Variants in MTUS2 observed in about 807,000 individuals in gnomAD.
MTUS2 encodes microtubule associated scaffold protein 2, also known as microtubule-associated tumor suppressor candidate 2.
In MTUS2, 40 loss-of-function variants were observed where a neutral mutation model predicts 114.1. The observed-to-expected ratio is 0.35, with a 90% CI of 0.27 to 0.46. The LOEUF (loss-of-function observed/expected upper bound fraction) is 0.46, where lower values mean the gene tolerates loss of function less well. Among genes scored for constraint, MTUS2 ranks in the 20% least tolerant of loss-of-function variants. MTUS2 has a pLI of 1.00. For synonymous variants in MTUS2, 688 were observed against 672.0 expected (o/e 1.02, Z -0.37); for missense variants, 1,679 against 1,705.4 (o/e 0.98, Z 0.27).
chr13:29,024,138 C>T (rs866216740), intron 2 of MTUS2, among the ~76,000 whole-genome samples: 7 of 152,234 alleles, frequency 4.6e-5, no homozygotes, highest in South Asian at 2.1e-4. Flanking sequence ...TTTCTACATT[C>T]GTTGATATTC....
At chr13:29,090,813 A>G (rs1051353922) in intron 4 of MTUS2, among the ~76,000 whole-genome samples, 6 of 152,206 alleles carry the variant, frequency 3.9e-5, no homozygotes, top group African/African-American at 1.4e-4. Flanking sequence ...ATGGGCACCT[A>G]TGGCTGTGCT....
rs1000803347 is a variant in MTUS2 at position 29,469,684 on chromosome 13, A to G, written c.3185-10466A>G. 4.6e-5 allele frequency among the ~76,000 whole-genome samples: 7 copies of G among 151,350 alleles called. 1 individual carries two copies. The highest frequency in any genetic ancestry group is 4.6e-4 in the Admixed American group (7 of 15,238). ...AGGCTGGGTGCAGTGGCTCACACCC[A>G]TAATCCCAGAAATTTGGAAGGCCAA... On this transcript the variant is annotated intron_variant, in intron 9 of 15. Coordinates refer to ENST00000612955, the MANE Select transcript of MTUS2 (RefSeq NM_001033602.4).
At chr13:29,408,492 A>G (rs1483371190) in intron 8 of MTUS2, among the ~76,000 whole-genome samples, 1 of 151,950 alleles carries the variant, frequency 6.6e-6, no homozygotes, top group Non-Finnish European at 1.5e-5. Flanking sequence ...AATGTTTTTT[A>G]TTTGTAGTAG....
intron 5 of MTUS2, among the ~76,000 whole-genome samples, chr13:29,128,733 ATGT>A (rs1368214657): frequency 6.6e-6 from 1 of 152,136 alleles, no homozygotes; most frequent in African/African-American, 2.4e-5. Flanking sequence ...TGTGTCACTC[ATGT>A]TGTTAATTCA....
At chr13:29,117,062 C>T (rs1891118877) in intron 5 of MTUS2, among the ~76,000 whole-genome samples, 1 of 152,138 alleles carries the variant, frequency 6.6e-6, no homozygotes. Context: ...TAACTCAGGC[C>T]CTTCTCCTTC....
intron 2 of MTUS2, 103 bp downstream of exon 2, chr13:28,839,953 T>TCAA (rs1566169385): frequency 1.3e-5 from 2 of 150,222 alleles, no homozygotes; most frequent in Non-Finnish European, 3.0e-5. Flanking sequence ...GGTAAATAGC[T>TCAA]GGTGGTAGTT....
chr13:29,427,198 C>T (rs1876606987), intron 8 of MTUS2, among the ~76,000 whole-genome samples: 1 of 152,114 alleles, frequency 6.6e-6, no homozygotes, highest in African/African-American at 2.4e-5. Flanking sequence ...ACATTCACTC[C>T]CTCCTGTTTT....
chr13:29,333,531 A>G (rs901135654), intron 7 of MTUS2, among the ~76,000 whole-genome samples: 2 of 152,100 alleles, frequency 1.3e-5, no homozygotes, highest in African/African-American at 4.8e-5. Flanking sequence ...TTCTAATTTG[A>G]TTGCACTGTG....
At chr13:29,389,399 ATATGTATACACGTGTGTGTG>A (rs1306792903) in intron 8 of MTUS2, among the ~76,000 whole-genome samples, 751 of 67,704 alleles carry the variant, frequency 0.011, 139 homozygotes, top group African/African-American at 0.043. Flanking sequence ...GTGTGTGTAT[ATATGTATACACGTGTGTGTG>A]TATGTATACA....
chr13:29,123,713 AACACACACACACACACGCAT>A (rs1891403765), intron 5 of MTUS2, among the ~76,000 whole-genome samples: 1 of 151,280 alleles, frequency 6.6e-6, no homozygotes, highest in Admixed American at 6.6e-5. Flanking sequence ...TCTCAAAACA[AACACACACACACACACGCAT>A]ACACACACAC....
chr13:29,168,164 A>G (rs927296118), intron 5 of MTUS2, among the ~76,000 whole-genome samples: 2 of 152,198 alleles, frequency 1.3e-5, no homozygotes, highest in African/African-American at 2.4e-5. Context: ...AATGTTTTCT[A>G]TGTTACTCAG....
At chr13:29,051,958 C>A (rs1255665047) in intron 4 of MTUS2, among the ~76,000 whole-genome samples, 1 of 152,124 alleles carries the variant, frequency 6.6e-6, no homozygotes, top group Non-Finnish European at 1.5e-5. Context: ...TTCTGAAAAC[C>A]ACTTAACAAT....
At chr13:28,855,758 A>T (rs1593249246) in intron 2 of MTUS2, among the ~76,000 whole-genome samples, 1 of 152,200 alleles carries the variant, frequency 6.6e-6, no homozygotes, top group East Asian at 1.9e-4. Flanking sequence ...TCTTTGTAAT[A>T]GAATGATTTA....
chr13:29,389,321 ATATGTGTGTATATATGTATGCACG>A lies in MTUS2; in HGVS notation c.3117+29850_3117+29873del, dbSNP rs1566172273. Reference sequence around the variant, plus strand: ...TGTATATGTGTATATATGTATACACATATGTGTGTATATATGTATGCACGTGTGTGTATATATGTATGCACGTGT... The same window carrying A: ...TGTATATGTGTATATATGTATACACATGTGTGTATATATGTATGCACGTGT... On this transcript the variant is annotated intron_variant, in intron 8 of 15. Coordinates refer to ENST00000612955, the MANE Select transcript of MTUS2 (RefSeq NM_001033602.4). Among the ~76,000 whole-genome samples, 27 of 54,824 alleles carry A rather than the reference ATATGTGTGTATATATGTATGCACG, an allele frequency of 4.9e-4. 2 individuals are homozygous for A. The highest frequency in any genetic ancestry group is 1.1e-3 in the African/African-American group (24 of 22,800). The allele number at this position is 54,824 out of a possible 152,430, so 36.0% of individuals were successfully genotyped here.
At chr13:29,348,757 G>A (rs1868960829) in intron 7 of MTUS2, among the ~76,000 whole-genome samples, 1 of 152,116 alleles carries the variant, frequency 6.6e-6, no homozygotes, top group Non-Finnish European at 1.5e-5. Context: ...TAAAGTTTTA[G>A]TTTTATCATT....
intron 5 of MTUS2, among the ~76,000 whole-genome samples, chr13:29,205,833 A>G (rs919720283): frequency 1.3e-5 from 2 of 152,150 alleles, no homozygotes; most frequent in Admixed American, 6.5e-5. Context: ...GGATGATTCC[A>G]TATTTTTGCA....
intron 5 of MTUS2, among the ~76,000 whole-genome samples, chr13:29,124,360 G>C (rs1011356767): frequency 3.3e-5 from 5 of 151,960 alleles, no homozygotes; most frequent in African/African-American, 1.2e-4. Context: ...GTAGAGATAT[G>C]AAAAAATAAA....
rs1219099934 is a variant in MTUS2 at position 29,226,235 on chromosome 13, A to G, written c.2645-55469A>G. Among the ~76,000 whole-genome samples the G allele has an allele frequency of 3.3e-5, 5 of 152,224 alleles. No homozygotes were observed. The East Asian group carries it at 9.6e-4, about 29-fold the overall frequency. ...TTAAAAGATACATGTTTAAAAGATGAAAATGGAATAAAGATACTTGGAAAT... is the reference window on the plus strand; with the variant it reads ...TTAAAAGATACATGTTTAAAAGATGGAAATGGAATAAAGATACTTGGAAAT... On this transcript the variant is annotated intron_variant, in intron 5 of 15. Transcript: ENST00000612955.
intron 2 of MTUS2, among the ~76,000 whole-genome samples, chr13:28,893,058 G>C (rs1473010436): frequency 6.6e-6 from 1 of 152,138 alleles, no homozygotes; most frequent in Non-Finnish European, 1.5e-5. Context: ...TGGAGAGGAG[G>C]AGCAGCAAGA....
Sources: gnomAD v4.1 joint callset for allele counts (sites outside exome capture counted in the v4.1 genomes callset) on GRCh38, gnomAD v4.1.1 for gene constraint, MANE v1.5 for transcripts, NCBI Gene and HGNC (gene_info 2026-07-23, HGNC 2026-07-21) for gene names.